The following NEGR1 variants were observed in gnomAD, a reference collection of about 807,000 sequenced individuals.
The protein encoded by NEGR1 is IgLON family member 4.
Under a neutral mutation model 40.9 loss-of-function variants are expected in NEGR1, and 10 were observed. The ratio of observed to expected loss-of-function variants is 0.24; its 90% CI spans 0.15 to 0.42. NEGR1 has a LOEUF of 0.42. Ranked by LOEUF, NEGR1 falls within the 10% of genes least tolerant of loss-of-function variation. The pLI, the probability that NEGR1 is intolerant of heterozygous loss-of-function variation, is 1.00. For missense variants in NEGR1, 352 were observed against 438.9 expected (o/e 0.80, Z 1.77); for synonymous variants, 185 against 166.8 (o/e 1.11, Z -0.84).
At chr1:71,453,369 A>G (rs1223218273) in intron 6 of NEGR1, among the ~76,000 whole-genome samples, 2 of 152,100 alleles carry the variant, frequency 1.3e-5, no homozygotes, top group East Asian at 3.9e-4. Flanking sequence ...ACAGGGTTGC[A>G]ATATTAGGTA....
chr1:72,148,281 G>A (rs1435045925), intron 1 of NEGR1, among the ~76,000 whole-genome samples: 3 of 152,168 alleles, frequency 2.0e-5, no homozygotes, highest in African/African-American at 7.2e-5. Flanking sequence ...TGCACCCGCA[G>A]GCTCAACACC....
At chr1:71,520,006 A>C (rs1647144044) in intron 6 of NEGR1, among the ~76,000 whole-genome samples, 1 of 152,134 alleles carries the variant, frequency 6.6e-6, no homozygotes, top group Non-Finnish European at 1.5e-5. Context: ...TATCTAATAC[A>C]CAAAAAAGAC....
At chr1:71,609,058 A>G (rs1278748505) in intron 5 of NEGR1, among the ~76,000 whole-genome samples, 1 of 152,212 alleles carries the variant, frequency 6.6e-6, no homozygotes, top group Non-Finnish European at 1.5e-5. Context: ...CTAATTCTCA[A>G]TATATAAAAA....
intron 2 of NEGR1, among the ~76,000 whole-genome samples, chr1:71,898,966 TATATATATATATA>T (rs1557692858): frequency 0.015 from 814 of 52,942 alleles, 38 homozygotes; most frequent in South Asian, 0.06. Flanking sequence ...ATATATAGCA[TATATATATATATA>T]GCATATATAT....
intron 2 of NEGR1, among the ~76,000 whole-genome samples, chr1:71,912,574 A>G (rs971622696): frequency 3.9e-5 from 6 of 152,222 alleles, no homozygotes; most frequent in Admixed American, 3.3e-4. Context: ...TCATTCTTAC[A>G]GGATCCTGTC....
intron 2 of NEGR1, among the ~76,000 whole-genome samples, chr1:71,923,671 A>G (rs1380072359): frequency 6.6e-6 from 1 of 151,882 alleles, no homozygotes; most frequent in Admixed American, 6.6e-5. Flanking sequence ...TCTAGAGGAG[A>G]TTTCATTTCC....
chr1:71,856,488 G>C (rs1028843802), intron 2 of NEGR1, among the ~76,000 whole-genome samples: 1 of 152,122 alleles, frequency 6.6e-6, no homozygotes, highest in East Asian at 1.9e-4. Context: ...TGACTAGAAA[G>C]ATATAATTCC....
At chr1:71,854,206 C>T (rs552164312) in intron 2 of NEGR1, among the ~76,000 whole-genome samples, 4 of 151,790 alleles carry the variant, frequency 2.6e-5, no homozygotes, top group African/African-American at 9.7e-5. Context: ...TTTTTGGTAC[C>T]TTTTACATAC....
chr1:71,983,818 A>T (rs1367069760), intron 1 of NEGR1, among the ~76,000 whole-genome samples: 1 of 152,192 alleles, frequency 6.6e-6, no homozygotes, highest in East Asian at 1.9e-4. Context: ...ATCATACTCC[A>T]TTTTATTTGT....
chr1:72,151,264 T>G, intron 1 of NEGR1, among the ~76,000 whole-genome samples: 1 of 151,318 alleles, frequency 6.6e-6, no homozygotes, highest in East Asian at 1.9e-4. Flanking sequence ...AAATATAATT[T>G]AGTTTAATAA....
At chr1:71,588,285 C>T (rs1219243491) in intron 6 of NEGR1, among the ~76,000 whole-genome samples, 1 of 152,052 alleles carries the variant, frequency 6.6e-6, no homozygotes, top group Non-Finnish European at 1.5e-5. Flanking sequence ...ATCTTTGAAT[C>T]CCCAATTTTT....
chr1:72,229,413 C>A (rs894921700), intron 1 of NEGR1, among the ~76,000 whole-genome samples: 5 of 147,898 alleles, frequency 3.4e-5, no homozygotes, highest in Non-Finnish European at 7.5e-5. Context: ...GTATCAATAG[C>A]ACATTCTATC....
At chr1:72,115,443 T>C (rs1205319695) in intron 1 of NEGR1, among the ~76,000 whole-genome samples, 1 of 151,750 alleles carries the variant, frequency 6.6e-6, no homozygotes, top group Non-Finnish European at 1.5e-5. Context: ...ATTCAGCGTT[T>C]CAGCCTGGCC....
chr1:71,552,807 A>T (rs1469949307), intron 6 of NEGR1, among the ~76,000 whole-genome samples: 1 of 151,250 alleles, frequency 6.6e-6, no homozygotes, highest in African/African-American at 2.4e-5. Context: ...TTTTTCTTGG[A>T]CTATGTAAGT....
chr1:72,143,952 G>T (rs538576727), intron 1 of NEGR1, among the ~76,000 whole-genome samples: 3 of 104,596 alleles, frequency 2.9e-5, no homozygotes, highest in African/African-American at 3.0e-5. Context: ...CATCCATTCA[G>T]TATTTTCAAC....
At chr1:71,900,315 A>T (rs1191419976) in intron 2 of NEGR1, among the ~76,000 whole-genome samples, 1 of 152,170 alleles carries the variant, frequency 6.6e-6, no homozygotes, top group Non-Finnish European at 1.5e-5. Context: ...TCTGTTTAGT[A>T]TTTGCACAAT....
At chr1:71,995,284 G>A (rs1202450390) in intron 1 of NEGR1, among the ~76,000 whole-genome samples, 1 of 152,148 alleles carries the variant, frequency 6.6e-6, no homozygotes, top group Non-Finnish European at 1.5e-5. Context: ...ATTAATGGGA[G>A]AATTGACAAC....
At chr1:72,182,609 C>A (rs914338155) in intron 1 of NEGR1, among the ~76,000 whole-genome samples, 3 of 151,488 alleles carry the variant, frequency 2.0e-5, no homozygotes, top group Non-Finnish European at 4.4e-5. Context: ...AAGTATATAC[C>A]CAAATAAATA....
At chr1:72,000,484 C>T (rs1379878662) in intron 1 of NEGR1, among the ~76,000 whole-genome samples, 2 of 152,022 alleles carry the variant, frequency 1.3e-5, no homozygotes, top group Non-Finnish European at 2.9e-5. Flanking sequence ...ATGCTATACT[C>T]TTTACCAAAA....
Sources: gnomAD v4.1 joint callset for allele counts (sites outside exome capture counted in the v4.1 genomes callset) on GRCh38, gnomAD v4.1.1 for gene constraint, MANE v1.5 for transcripts, NCBI Gene and HGNC (gene_info 2026-07-23, HGNC 2026-07-21) for gene names.